Variants in LRRD1 observed in about 807,000 individuals in gnomAD.
LRRD1 encodes leucine-rich repeat and death domain-containing protein 1.
Under a neutral mutation model 69.5 loss-of-function variants are expected in LRRD1, and 49 were observed. The observed-to-expected ratio is 0.70, with a 90% CI of 0.56 to 0.89. LRRD1 has a LOEUF of 0.89. Among genes scored for constraint, LRRD1 ranks in the 40% least tolerant of loss-of-function variants. LRRD1 has a pLI of 0.00. For missense variants in LRRD1, 853 were observed against 956.0 expected (o/e 0.89, Z 1.42); for synonymous variants, 303 against 338.9 (o/e 0.89, Z 1.16).
Position 92,165,000 on chromosome 7 carries a change from G to A in LRRD1, c.203C>T (p.Thr68Ile). 6.4e-7 allele frequency: 1 copy of A among 1,551,262 alleles called. No individual in the cohort carries two copies. Among genetic ancestry groups the A allele is most frequent in the East Asian group, 2.4e-5 (1 of 40,870 alleles). Residue 68 changes from threonine (T) to isoleucine (I), a missense_variant, in exon 2 of 6, where the codon ACA becomes ATA. By Grantham distance (89) the Thr-to-Ile change is moderately conservative. Transcript: ENST00000458448. ...CTTAGACTTCCTTCCAGAGGAAGAT[G>A]TTGACTCTAATGTATTCTGTCTAGG... ...THPRQNTLES[T>I]SSSGRKSKRN... is the part of the protein sequence containing the mutation.
intron 4 of LRRD1, among the ~76,000 whole-genome samples, chr7:92,147,017 T>C (rs746056207): frequency 4.0e-5 from 6 of 151,798 alleles, no homozygotes; most frequent in Non-Finnish European, 8.8e-5. Flanking sequence ...TTCTAAAATT[T>C]GAAAAATCCA....
chr7:92,170,900 T>C (rs1789043498), intron 1 of LRRD1, among the ~76,000 whole-genome samples: 1 of 152,148 alleles, frequency 6.6e-6, no homozygotes, highest in Non-Finnish European at 1.5e-5. Context: ...AGAGGAACCT[T>C]GGAAATTACA....
chr7:92,173,153 T>A (rs1350351299), intron 1 of LRRD1, among the ~76,000 whole-genome samples: 3 of 152,156 alleles, frequency 2.0e-5, no homozygotes, highest in Admixed American at 6.5e-5. Flanking sequence ...TGCAGAGGAA[T>A]GAAACTAGAC....
intron 1 of LRRD1, among the ~76,000 whole-genome samples, chr7:92,165,861 CAAAAAAAAAAAAA>C (rs750215030): frequency 0.024 from 1,003 of 41,714 alleles, 17 homozygotes; most frequent in Admixed American, 0.037. Flanking sequence ...AACTCCATCT[CAAAAAAAAAAAAA>C]AAAAAAAAAG....
At chr7:92,143,676 G>A (rs969197284), downstream of LRRD1, among the ~76,000 whole-genome samples, 1 of 152,156 alleles carries the variant, frequency 6.6e-6, no homozygotes, top group Admixed American at 6.5e-5. Context: ...CAAGCACCGC[G>A]TGCAGCCCGG....
At chr7:92,141,744 C>T (rs1323244800), downstream of LRRD1, 1 of 152,170 alleles carries the variant, frequency 6.6e-6, no homozygotes, top group Non-Finnish European at 1.5e-5. Flanking sequence ...CCCACAGGTT[C>T]TCATCCCTAC....
At chr7:92,141,976 T>A (rs1009801376), downstream of LRRD1, 1 of 152,416 alleles carries the variant, frequency 6.6e-6, no homozygotes, top group African/African-American at 2.4e-5. Flanking sequence ...AGAGTCTCGC[T>A]CTGTTGCCCA....
intron 1 of LRRD1, among the ~76,000 whole-genome samples, chr7:92,174,608 A>G (rs2131027035): frequency 7.2e-6 from 1 of 139,114 alleles, no homozygotes; most frequent in East Asian, 2.2e-4. Flanking sequence ...CCCGGGTTCA[A>G]AGTGGTTCTC....
intron 4 of LRRD1, among the ~76,000 whole-genome samples, chr7:92,148,326 C>T (rs562735163): frequency 2.0e-5 from 3 of 152,284 alleles, no homozygotes; most frequent in Admixed American, 1.3e-4. Context: ...CCTGCCTTGG[C>T]CTCCCAAAGT....
intron 2 of LRRD1, among the ~76,000 whole-genome samples, chr7:92,162,697 A>T (rs972336253): frequency 6.6e-6 from 1 of 152,206 alleles, no homozygotes; most frequent in African/African-American, 2.4e-5. Flanking sequence ...AAATTATAAC[A>T]TTCCTAAATG....
intron 1 of LRRD1, among the ~76,000 whole-genome samples, chr7:92,169,776 T>C (rs1236427303): frequency 6.6e-5 from 10 of 151,390 alleles, no homozygotes; most frequent in African/African-American, 2.2e-4. Context: ...CATTTGAAAA[T>C]ACTCAAAGAA....
rs1788827811 is a variant in LRRD1, at chr7:92,163,345, C to T, written c.1858G>A (p.Glu620Lys). 1 of 1,537,594 alleles carries T rather than the reference C, an allele frequency of 6.5e-7. No individual in the cohort carries two copies. Among genetic ancestry groups the T allele is most frequent in the Admixed American group, 2.1e-5 (1 of 46,806 alleles). ...SSNQFIHFPI[E>K]LCQLQSLEQL... ...TCCAGTGATTGAAGTTGGCACAGTT[C>T]AATAGGAAAATGTATAAATTGATTG... Residue 620 changes from glutamate to lysine, a missense_variant, in exon 2 of 6, where the codon GAA becomes AAA. This residue lies in a region of LRRD1 where 739 missense variants were observed against 808.0 expected (regional missense o/e 0.91). Transcript: ENST00000458448.
rs187162597 is a variant in LRRD1 at position 92,150,689 on chromosome 7, T to G, written c.2123A>C (p.Asn708Thr). The G allele has an allele frequency of 2.6e-4, 405 of 1,530,906 alleles. 3 individuals carry two copies. The East Asian group carries it at 7.2e-3, about 27-fold the overall frequency. 94.8% of individuals were successfully genotyped at this position (1,530,906 alleles called of 1,614,324 possible). A position where few individuals can be genotyped will look rare whatever the true frequency, so the allele number is the denominator to read the frequency against. Reference protein sequence around the residue: ...DLQQLNLSGNNLTALPSAIYN... With the variant: ...DLQQLNLSGNTLTALPSAIYN... ...GATAGCACTAGGTAGAGCTGTCAGATTATTTCCTAGTAGAAAAAAATTAGA... is the reference window on the plus strand; with the variant it reads ...GATAGCACTAGGTAGAGCTGTCAGAGTATTTCCTAGTAGAAAAAAATTAGA... Residue 708 changes from asparagine to threonine, a missense_variant, in exon 4 of 6, where the codon AAT becomes ACT. Transcript: ENST00000458448.
At chr7:92,172,116 C>T (rs776641941) in intron 1 of LRRD1, among the ~76,000 whole-genome samples, 1 of 152,104 alleles carries the variant, frequency 6.6e-6, no homozygotes, top group Non-Finnish European at 1.5e-5. Context: ...GTGAGACCAA[C>T]CCTGTATCAA....
intron 2 of LRRD1, among the ~76,000 whole-genome samples, chr7:92,162,468 T>C (rs552856647): frequency 6.6e-6 from 1 of 152,310 alleles, no homozygotes; most frequent in East Asian, 1.9e-4. Flanking sequence ...TTCATTTGTT[T>C]ACTAAGATCT....
chr7:92,151,534 C>T (rs770502583), intron 3 of LRRD1, among the ~76,000 whole-genome samples: 9 of 152,068 alleles, frequency 5.9e-5, no homozygotes, highest in Non-Finnish European at 1.2e-4. Flanking sequence ...AATTTTTTTC[C>T]TTTCCATACT....
At position 92,159,024 on chromosome 7, in the gene LRRD1, C is replaced by T. The variant is rs1268457591; in HGVS notation, c.2097G>A (p.Leu699=). ...ACTCACCACTCAGGTTTAGTTGCTG[C>T]AGATCATTTAAAGATAGCAAAGATG... ...LPPSLLSLND[L]QQLNLSGNNL... is the part of the protein sequence containing the mutation. The change falls in exon 3 of 6, where the codon CTG becomes CTA. Residue 699 remains leucine, a synonymous_variant. Transcript: ENST00000458448. The T allele has an allele frequency of 3.2e-6, 5 of 1,544,970 alleles. No homozygotes were observed. The highest frequency in any genetic ancestry group is 4.4e-6 in the Non-Finnish European group (5 of 1,145,044).
Position 92,146,212 on chromosome 7 carries a change from CATAAA to C in LRRD1, c.2279-17_2279-13del. The C allele has an allele frequency of 7.9e-7, 1 of 1,262,716 alleles. No homozygotes were observed. The highest frequency in any genetic ancestry group is 1.1e-6 in the Non-Finnish European group (1 of 909,944). 78.2% of individuals were successfully genotyped at this position (1,262,716 alleles called of 1,614,324 possible). A position where few individuals can be genotyped will look rare whatever the true frequency, so the allele number is the denominator to read the frequency against. On this transcript the variant is annotated splice_polypyrimidine_tract_variant and intron_variant, in intron 4 of 5. Transcript: ENST00000458448. The stretch of plus-strand genomic sequence containing the variant: ...CTCTAAAATTTTCTCTACGTTTGAA[CATAAA>C]ATAAAATGTATATCTTTTGAAAAAG...
chr7:92,177,039 A>C (rs1380552447), intron 1 of LRRD1, among the ~76,000 whole-genome samples: 1 of 148,998 alleles, frequency 6.7e-6, no homozygotes, highest in African/African-American at 2.4e-5. Flanking sequence ...AGTAATATAC[A>C]AATGATATAT....
Sources: gnomAD v4.1 joint callset for allele counts (sites outside exome capture counted in the v4.1 genomes callset) on GRCh38, gnomAD v4.1.1 for gene constraint, gnomAD v4.1.1 regional missense constraint, MANE v1.5 for transcripts, NCBI Gene and HGNC (gene_info 2026-07-23, HGNC 2026-07-21) for gene names.